Variants in BRWD1 observed in about 807,000 individuals in gnomAD.
The protein encoded by BRWD1 is bromodomain and WD repeat domain containing 1.
BRWD1 carries 82 observed loss-of-function variants against 251.2 expected under a neutral mutation model. The observed-to-expected ratio is 0.33, with a 90% CI of 0.27 to 0.39. The LOEUF is 0.39. Among genes scored for constraint, BRWD1 ranks in the 10% least tolerant of loss-of-function variants. The probability of loss-of-function intolerance (pLI) is 1.00; values close to 1 mark genes in which losing one functional copy is unlikely to be tolerated. For synonymous variants in BRWD1, 918 were observed against 902.8 expected (o/e 1.02, Z -0.30); for missense variants, 2,233 against 2,711.6 (o/e 0.82, Z 3.92).
At chr21:39,236,022 C>A in intron 23 of BRWD1, 1 of 208,490 alleles carries the variant, frequency 4.8e-6, no homozygotes, top group South Asian at 1.0e-4. Flanking sequence ...CAGGGCCAAT[C>A]TGCCTGCACC....
In BRWD1 at chr21:39,298,568, C is replaced by T; in HGVS notation, c.213G>A (p.Lys71=). ...GCAAAAGATGATCAGGAGCCACATGCTTATTGGACAAGACCTAGTTGGAGA... is the reference window on the plus strand; with the variant it reads ...GCAAAAGATGATCAGGAGCCACATGTTTATTGGACAAGACCTAGTTGGAGA... ...RSYEELVLSN[K]HVAPDHLLQI... Residue 71 remains lysine (K), a synonymous_variant, in exon 5 of 41, where the codon AAG becomes AAA. Transcript: ENST00000342449. 11 of 1,597,574 alleles carry T rather than the reference C, an allele frequency of 6.9e-6. No individual in the cohort carries two copies. The highest frequency in any genetic ancestry group is 9.4e-6 in the Non-Finnish European group (11 of 1,174,092).
Position 39,189,167 on chromosome 21 carries a change from T to C in BRWD1, c.*7092A>G. The C allele has an allele frequency of 1.0e-6, 1 of 984,530 alleles. No homozygotes were observed. Among genetic ancestry groups the C allele is most frequent in the Non-Finnish European group, 1.2e-6 (1 of 829,086 alleles). The allele number at this position is 984,530 out of a possible 1,614,324, so 61.0% of individuals were successfully genotyped here. A position where few individuals can be genotyped will look rare whatever the true frequency, so the allele number is the denominator to read the frequency against. ...AAGGGTAAACAAAAATTTTAAAATA[T>C]GCAAAATTAAGGTGAAATTTGCACT... On this transcript the variant is annotated 3_prime_UTR_variant, in exon 41 of 41. Coordinates refer to ENST00000342449, the MANE Select transcript of BRWD1 (RefSeq NM_033656.4).
Position 39,313,594 on chromosome 21 carries a change from GCCGC to G in BRWD1, c.-107_-104del. On this transcript the variant is annotated 5_prime_UTR_variant, in exon 1 of 41. An upstream open reading frame in the 5' UTR loses its in-frame stop. Coordinates refer to ENST00000342449, the MANE Select transcript of BRWD1 (RefSeq NM_033656.4). ...CGTCCCCTCTTCTCAGGCGCGCGCC[GCCGC>G]CGCCGCCGCCGCCGCCATACCGTGC... The G allele has an allele frequency of 1.3e-6, 1 of 777,266 alleles. No homozygotes were observed. The highest frequency in any genetic ancestry group is 1.7e-6 in the Non-Finnish European group (1 of 587,144). 48.1% of individuals were successfully genotyped at this position (777,266 alleles called of 1,614,324 possible).
At chr21:39,319,016 A>C (rs117028471) in intron 1 of BRWD1, among the ~76,000 whole-genome samples, 14,311 of 152,156 alleles carry the variant, frequency 0.094, 787 homozygotes, top group East Asian at 0.14. Context: ...TGGCCTTCCA[A>C]AGTGCTGGGA....
chr21:39,314,359 C>T (rs1319739695), upstream of BRWD1: 2 of 455,468 alleles, frequency 4.4e-6, no homozygotes, highest in Non-Finnish European at 4.4e-6. Flanking sequence ...CGAGGGGGTG[C>T]GAGTCGGGGG....
chr21:39,216,791 T>G (rs1023109334), intron 31 of BRWD1: 12 of 297,118 alleles, frequency 4.0e-5, no homozygotes, highest in Non-Finnish European at 7.1e-5. Context: ...AATATATTTT[T>G]TTTAACTTTT....
intron 4 of BRWD1, among the ~76,000 whole-genome samples, chr21:39,310,803 C>T (rs1220064830): frequency 1.3e-5 from 2 of 152,130 alleles, no homozygotes; most frequent in East Asian, 3.8e-4. Flanking sequence ...GAACTCCTGG[C>T]CTCAAGCGTC....
chr21:39,215,818 A>AC (rs754721833), intron 31 of BRWD1, among the ~76,000 whole-genome samples: 5 of 152,054 alleles, frequency 3.3e-5, no homozygotes, highest in Admixed American at 6.5e-5. Context: ...ACATGGCAAA[A>AC]CCCCAAATTT....
At position 39,189,608 on chromosome 21, in the gene BRWD1, A is replaced by G; in HGVS notation, c.*6651T>C. On this transcript the variant is annotated 3_prime_UTR_variant, in exon 41 of 41. Coordinates refer to ENST00000342449, the MANE Select transcript of BRWD1 (RefSeq NM_033656.4). Reference sequence around the variant, plus strand: ...TAACTTGATAAAGCTGAATCTCTTAAGTCTTAGACAATAAAACAGGAATTT... The same window carrying G: ...TAACTTGATAAAGCTGAATCTCTTAGGTCTTAGACAATAAAACAGGAATTT... 1.0e-6 allele frequency: 1 copy of G among 982,564 alleles called. No individual in the cohort carries two copies. Among genetic ancestry groups the G allele is most frequent in the Non-Finnish European group, 1.2e-6 (1 of 827,330 alleles). The allele number at this position is 982,564 out of a possible 1,614,324, so 60.9% of individuals were successfully genotyped here.
At position 39,283,825 on chromosome 21, in the gene BRWD1, A is replaced by G. The variant is rs1401319352; in HGVS notation, c.832-3577T>C. ...CCCTCAAGGCCAGTCGCCAATGACT[A>G]TAATATGTATTTCTGGATATTAAAA... On this transcript the variant is annotated intron_variant, in intron 8 of 40. Coordinates refer to ENST00000342449, the MANE Select transcript of BRWD1 (RefSeq NM_033656.4). 2.0e-5 allele frequency among the ~76,000 whole-genome samples: 3 copies of G among 152,314 alleles called. No homozygotes were observed. The East Asian group carries it at 5.8e-4, about 29-fold the overall frequency.
Position 39,197,337 on chromosome 21 carries a change from A to T in BRWD1, c.5732T>A (p.Leu1911Ter). ...TTTTGATGATTTCTTAACCACCTGT[A>T]AACTACTGTCTGAGTCACTGGAACA... ...RVCSSDSDSS[L>*]QVVKKSSKAR... The change falls in exon 41 of 41, where the codon TTA (leucine) becomes TAA (stop). Residue 1911 changes from leucine (L) to a stop codon, truncating the protein, a stop_gained. Coordinates refer to ENST00000342449, the MANE Select transcript of BRWD1 (RefSeq NM_033656.4). LOFTEE classifies it low-confidence loss of function (END_TRUNC). The T allele has an allele frequency of 6.2e-7, 1 of 1,614,020 alleles. No individual in the cohort carries two copies. The highest frequency in any genetic ancestry group is 8.5e-7 in the Non-Finnish European group (1 of 1,179,918).
In BRWD1 at chr21:39,232,252, A is replaced by G. The variant is rs1281728827; in HGVS notation, c.2925T>C (p.Tyr975=). 2 of 1,613,532 alleles carry G rather than the reference A, an allele frequency of 1.2e-6. No individual in the cohort carries two copies. ...VIYFRQGHEA[Y]IEAVRRNNIY... is the part of the protein sequence containing the mutation. ...TATTATTTCTTCTTACAGCCTCAAT[A>G]TAAGCTTCATGACCCTGTCGAAAAT... is the stretch of plus-strand genomic sequence containing the variant. The change falls in exon 25 of 41, where the codon TAT becomes TAC. Residue 975 remains tyrosine, a synonymous_variant. Transcript: ENST00000342449.
chr21:39,202,393 G>A lies in BRWD1; in HGVS notation c.4517C>T (p.Ser1506Leu). 2 of 1,613,930 alleles carry A rather than the reference G, an allele frequency of 1.2e-6. No homozygotes were observed. Among genetic ancestry groups the A allele is most frequent in the Non-Finnish European group, 1.7e-6 (2 of 1,179,848 alleles). Residue 1506 changes from serine to leucine, a missense_variant, in exon 38 of 41, where the codon TCA becomes TTA. Transcript: ENST00000342449. ...ISSGVTSGDS[S>L]DSAESSERRK... ...CCTTTCTGATGATTCTGCTGAATCT[G>A]AAGAGTCACCAGAAGTAACACCTGA...
intron 39 of BRWD1, 125 bp from the exon 40 acceptor site, chr21:39,199,787 G>C: frequency 9.8e-7 from 1 of 1,018,116 alleles, no homozygotes; most frequent in Non-Finnish European, 1.4e-6. Flanking sequence ...TTTCGCTCTT[G>C]TTGCCCAGGC....
chr21:39,214,071 A>ATCT (rs1371883920), intron 32 of BRWD1, among the ~76,000 whole-genome samples: 2 of 152,166 alleles, frequency 1.3e-5, no homozygotes, highest in African/African-American at 4.8e-5. Flanking sequence ...AAGTAAGAAC[A>ATCT]AGAAGGTGAT....
intron 38 of BRWD1, 85 bp from the exon 39 acceptor site, chr21:39,200,471 A>T: frequency 9.6e-7 from 1 of 1,040,116 alleles, no homozygotes; most frequent in Non-Finnish European, 1.3e-6. Flanking sequence ...TACTCTGAAC[A>T]TTACATAACA....
chr21:39,236,815 G>C, intron 22 of BRWD1, 31 bp from the exon 23 acceptor site: 1 of 1,583,554 alleles, frequency 6.3e-7, no homozygotes, highest in Non-Finnish European at 8.6e-7. Context: ...CAGTTGAATG[G>C]AGCCAGAATA....
intron 3 of BRWD1, 26 bp downstream of exon 3, chr21:39,313,046 G>A (rs1245396063): frequency 1.2e-5 from 16 of 1,374,028 alleles, no homozygotes; most frequent in East Asian, 3.1e-5. Flanking sequence ...GAACCCGAGG[G>A]AGCGCGGGGA....
chr21:39,187,661 G>A lies in BRWD1; in HGVS notation c.*8598C>T, dbSNP rs1016463120. On this transcript the variant is annotated 3_prime_UTR_variant, in exon 41 of 41. Transcript: ENST00000342449. ...CAGACTTGTAAGAATGGGGTGAAAA[G>A]TTCCTTCAGCATCGGCATCATAAAG... 12 of 985,266 alleles carry A rather than the reference G, an allele frequency of 1.2e-5. No homozygotes were observed. The highest frequency in any genetic ancestry group is 1.4e-5 in the Non-Finnish European group (12 of 829,904). The allele number at this position is 985,266 out of a possible 1,614,324, so 61.0% of individuals were successfully genotyped here.
Sources: allele counts gnomAD v4.1 joint callset (sites outside exome capture counted in the v4.1 genomes callset), GRCh38; gene constraint gnomAD v4.1.1; transcripts MANE v1.5; gene names NCBI Gene and HGNC (gene_info 2026-07-23, HGNC 2026-07-21).